UBE2D3: variants seen among roughly 807,000 people sequenced by gnomAD.
UBE2D3 encodes ubiquitin-conjugating enzyme E2 D3.
Under a neutral mutation model 22.8 loss-of-function variants are expected in UBE2D3, and 2 were observed. The observed-to-expected ratio is 0.09, with a 90% CI of 0.04 to 0.28. UBE2D3 has a LOEUF of 0.28. Among genes scored for constraint, UBE2D3 ranks in the 10% least tolerant of loss-of-function variants. The probability of loss-of-function intolerance (pLI) is 1.00; values close to 1 mark genes in which losing one functional copy is unlikely to be tolerated. For synonymous variants in UBE2D3, 56 were observed against 60.4 expected, an observed-to-expected ratio of 0.93 and a Z score of 0.34; for missense variants, 27 against 182.5, an observed-to-expected ratio of 0.15 and a Z score of 4.91.
At chr4:102,807,478 G>A (rs765301313) in intron 4 of UBE2D3, among the ~76,000 whole-genome samples, 1 of 152,096 alleles carries the variant, frequency 6.6e-6, no homozygotes, top group Non-Finnish European at 1.5e-5. Flanking sequence ...CCAACAGTGA[G>A]AACTAACCTT....
At position 102,851,064 on chromosome 4, in the gene UBE2D3, T is replaced by G. The variant is rs533670384; in HGVS notation, c.-129+17651A>C. ...TATCCATGTAACCAAAACCCACCTG[T>G]TCCCCACAAACTATTGAAATAAAAA... is the stretch of plus-strand genomic sequence containing the variant. On this transcript the variant is annotated intron_variant, in intron 1 of 7. Coordinates refer to the UBE2D3 transcript ENST00000338145. Among the ~76,000 whole-genome samples, 17 of 152,334 alleles carry G rather than the reference T, an allele frequency of 1.1e-4. No individual in the cohort carries two copies. The South Asian group carries it at 3.3e-3, about 30-fold the overall frequency.
At chr4:102,806,987 T>C (rs573619255) in intron 4 of UBE2D3, among the ~76,000 whole-genome samples, 10 of 152,224 alleles carry the variant, frequency 6.6e-5, no homozygotes, top group South Asian at 2.1e-4. Context: ...CCAAGCAATT[T>C]TGCTGCATAA....
chr4:102,857,610 G>A (rs541234582), intron 1 of UBE2D3, among the ~76,000 whole-genome samples: 19 of 152,212 alleles, frequency 1.2e-4, no homozygotes, highest in East Asian at 3.9e-4. Flanking sequence ...CAGGAAATGC[G>A]TCTACTGCAT....
intron 7 of UBE2D3, among the ~76,000 whole-genome samples, chr4:102,797,862 G>A (rs901110887): frequency 6.6e-6 from 1 of 151,736 alleles, no homozygotes; most frequent in African/African-American, 2.4e-5. Flanking sequence ...CCAGAACTAG[G>A]CTTTTACTAG....
intron 1 of UBE2D3, among the ~76,000 whole-genome samples, chr4:102,833,544 T>C (rs1303953869): frequency 6.6e-6 from 1 of 152,194 alleles, no homozygotes; most frequent in Admixed American, 6.5e-5. Flanking sequence ...AAAAAGTTCA[T>C]GTAGAGAATT....
At chr4:102,822,787 T>TTAGCCTCTACTAAAAAAACAAAA (rs1264230648) in intron 2 of UBE2D3, among the ~76,000 whole-genome samples, 1 of 151,992 alleles carries the variant, frequency 6.6e-6, no homozygotes, top group Non-Finnish European at 1.5e-5. Context: ...AACAAAAAAA[T>TTAGCCTCTACTAAAAAAACAAAA]TAGCCGGGGG....
Position 102,795,769 on chromosome 4 carries a change from G to C in UBE2D3, c.*1646C>G, listed in dbSNP as rs563937264. The C allele has an allele frequency of 6.6e-6, 1 of 152,084 alleles. No individual in the cohort carries two copies. 9.4% of individuals were successfully genotyped at this position (152,084 alleles called of 1,614,324 possible). ...GTGCAGACAAGGAATAAGATTGCAC[G>C]TAAGTGTAAGCAGTGCAAAAATGTG... On this transcript the variant is annotated 3_prime_UTR_variant, in exon 8 of 8. Transcript: ENST00000453744.
rs1578305853 is a variant in UBE2D3, at chr4:102,867,784, G to A, written c.-129+931C>T. The stretch of plus-strand genomic sequence containing the variant: ...TGCACTACAGCCTGGGCGATAGAGC[G>A]AAACCTTGTAACAACAACAACAACA... On this transcript the variant is annotated intron_variant, in intron 1 of 7. Transcript: ENST00000338145. Among the ~76,000 whole-genome samples the A allele has an allele frequency of 5.9e-5, 9 of 152,230 alleles. 1 individual carries two copies. The Middle Eastern group carries it at 0.017, about 290-fold the overall frequency.
At chr4:102,859,939 G>A (rs1365560716) in intron 1 of UBE2D3, among the ~76,000 whole-genome samples, 3 of 151,438 alleles carry the variant, frequency 2.0e-5, no homozygotes, top group South Asian at 4.2e-4. Context: ...TCTGCCTCCC[G>A]GGTTCACACC....
intron 2 of UBE2D3, chr4:102,811,042 T>G (rs1407269000): frequency 6.6e-6 from 1 of 152,220 alleles, no homozygotes; most frequent in Admixed American, 6.5e-5. Context: ...GGGTAAGGTT[T>G]GGGATTCCAT....
chr4:102,809,394 C>A, intron 4 of UBE2D3: 1 of 411,432 alleles, frequency 2.4e-6, no homozygotes, highest in East Asian at 4.7e-5. Flanking sequence ...CAATGCTTTA[C>A]ACAGTGCTAT....
intron 1 of UBE2D3, among the ~76,000 whole-genome samples, chr4:102,860,391 G>T (rs1374745064): frequency 6.8e-6 from 1 of 146,514 alleles, no homozygotes; most frequent in South Asian, 2.2e-4. Flanking sequence ...TCCTTTGGTT[G>T]TCATGTTTTC....
At chr4:102,813,527 T>G (rs1021058595) in intron 2 of UBE2D3, among the ~76,000 whole-genome samples, 1 of 152,106 alleles carries the variant, frequency 6.6e-6, no homozygotes, top group African/African-American at 2.4e-5. Context: ...GATGTAGAGA[T>G]AAAGTAAGTA....
intron 7 of UBE2D3, among the ~76,000 whole-genome samples, chr4:102,797,892 TAG>T (rs1226235410): frequency 1.3e-5 from 2 of 152,028 alleles, no homozygotes; most frequent in African/African-American, 4.8e-5. Context: ...ATCTGAATCC[TAG>T]AGTTTGGGAA....
chr4:102,824,969 A>C (rs1489043863), intron 2 of UBE2D3, among the ~76,000 whole-genome samples: 3 of 152,238 alleles, frequency 2.0e-5, no homozygotes. Context: ...CATTTCACAA[A>C]GATTTAAATT....
chr4:102,799,366 T>C (rs1476677487), intron 7 of UBE2D3, 41 bp downstream of exon 7: 1 of 1,543,462 alleles, frequency 6.5e-7, no homozygotes, highest in Non-Finnish European at 8.9e-7. Context: ...CCTAACTCAT[T>C]AAGTAAAACC....
intron 1 of UBE2D3, among the ~76,000 whole-genome samples, chr4:102,859,181 T>C (rs1007763163): frequency 6.6e-6 from 1 of 151,878 alleles, no homozygotes; most frequent in African/African-American, 2.4e-5. Flanking sequence ...TGTGGGTAAA[T>C]TATTCTTAGT....
intron 1 of UBE2D3, among the ~76,000 whole-genome samples, chr4:102,866,974 G>C (rs1368041017): frequency 3.3e-5 from 5 of 152,118 alleles, no homozygotes; most frequent in African/African-American, 1.2e-4. Context: ...GGATAAAAAA[G>C]CTCCAGGGTT....
Position 102,799,552 on chromosome 4 carries a change from A to T in UBE2D3, c.305-52T>A, listed in dbSNP as rs777069527. On this transcript the variant is annotated intron_variant, in intron 6 of 7. Coordinates refer to ENST00000453744, the MANE Select transcript of UBE2D3 (RefSeq NM_181891.3). ...CCCAGTTTCAGGAGTTTGGATAAATAAATTTTTCTAAACCGTGTATTACAA... is the reference window on the plus strand; with the variant it reads ...CCCAGTTTCAGGAGTTTGGATAAATTAATTTTTCTAAACCGTGTATTACAA... 3.5e-6 allele frequency: 5 copies of T among 1,441,562 alleles called. No individual in the cohort carries two copies. The African/African-American group carries it at 5.7e-5, about 16-fold the overall frequency. The allele number at this position is 1,441,562 out of a possible 1,614,324, so 89.3% of individuals were successfully genotyped here.
Sources: allele counts gnomAD v4.1 joint callset (sites outside exome capture counted in the v4.1 genomes callset), GRCh38; gene constraint gnomAD v4.1.1; transcripts MANE v1.5; gene names NCBI Gene and HGNC (gene_info 2026-07-23, HGNC 2026-07-21).